Variants in SNRPN observed in about 807,000 individuals in gnomAD.
SNRPN encodes the protein small nuclear ribonucleoprotein-associated protein N.
A neutral mutation model predicts 25.2 loss-of-function variants in SNRPN; 7 were observed. That is an observed-to-expected ratio of 0.28 (90% CI 0.16 to 0.52). The LOEUF is 0.52. Among genes scored for constraint, SNRPN ranks in the 20% least tolerant of loss-of-function variants. The pLI is 0.96. For missense variants in SNRPN, 196 were observed against 322.5 expected (o/e 0.61, Z 3.00); for synonymous variants, 124 against 110.6 (o/e 1.12, Z -0.76).
At chr15:24,934,640 C>A (rs912551949) in intron 3 of SNRPN, among the ~76,000 whole-genome samples, 1 of 152,186 alleles carries the variant, frequency 6.6e-6, no homozygotes, top group Admixed American at 6.5e-5. Flanking sequence ...CTCACTGCAA[C>A]CTCCACCCGC....
chr15:24,901,112 A>AAG (rs2058420859), intron 2 of SNRPN, among the ~76,000 whole-genome samples: 2 of 152,240 alleles, frequency 1.3e-5, no homozygotes, highest in East Asian at 3.9e-4. Flanking sequence ...TTAACAAAAA[A>AAG]AGATTTATTT....
intron 2 of SNRPN, among the ~76,000 whole-genome samples, chr15:24,902,829 A>T (rs1464811732): frequency 6.6e-6 from 1 of 152,200 alleles, no homozygotes; most frequent in Non-Finnish European, 1.5e-5. Flanking sequence ...GGACCCAAAG[A>T]GTGAGCAGCA....
chr15:24,940,141 T>C (rs1596039990), intron 3 of SNRPN, among the ~76,000 whole-genome samples: 1 of 152,196 alleles, frequency 6.6e-6, no homozygotes, highest in Non-Finnish European at 1.5e-5. Flanking sequence ...ATATATGATT[T>C]GCAAATATTT....
intron 2 of SNRPN, among the ~76,000 whole-genome samples, chr15:24,838,114 A>G (rs893847888): frequency 8.1e-5 from 12 of 148,240 alleles, no homozygotes; most frequent in Non-Finnish European, 1.8e-4. Context: ...GGCTCGCTGC[A>G]AGCTCCACCT....
Position 24,957,794 on chromosome 15 carries a change from C to A in SNRPN, c.-391+2732C>A, listed in dbSNP as rs567213832. On this transcript the variant is annotated intron_variant, in intron 1 of 9. Transcript: ENST00000390687. ...CACATACATATATTTCTTGGTTTAA[C>A]TTCTGGTCATTTGGCTATTTGCAAG... 2.6e-5 allele frequency among the ~76,000 whole-genome samples: 4 copies of A among 152,130 alleles called. No individual in the cohort carries two copies. The East Asian group carries it at 5.8e-4, about 22-fold the overall frequency.
intron 2 of SNRPN, among the ~76,000 whole-genome samples, chr15:24,910,576 C>T (rs2059149378): frequency 6.6e-6 from 1 of 152,120 alleles, no homozygotes; most frequent in African/African-American, 2.4e-5. Context: ...ACTGCAACCT[C>T]TGCCTCCTCC....
chr15:24,874,333 A>AAAC (rs397853885), intron 1 of SNRPN, among the ~76,000 whole-genome samples: 7 of 146,384 alleles, frequency 4.8e-5, no homozygotes, highest in African/African-American at 1.7e-4. Context: ...AAAAAAAAAA[A>AAAC]GGCAGAGTGG....
intron 1 of SNRPN, among the ~76,000 whole-genome samples, chr15:24,858,997 T>G (rs1218361453): frequency 6.6e-6 from 1 of 152,114 alleles, no homozygotes; most frequent in African/African-American, 2.4e-5. Flanking sequence ...TCTAGCTCAT[T>G]GCAGACACCC....
At chr15:24,854,326 C>T (rs1326962003), upstream of SNRPN, among the ~76,000 whole-genome samples, 3 of 152,046 alleles carry the variant, frequency 2.0e-5, no homozygotes, top group Non-Finnish European at 4.4e-5. Context: ...TTTTTAAAAA[C>T]AATAATGCAT....
At chr15:24,889,844 G>A (rs567401733) in intron 2 of SNRPN, among the ~76,000 whole-genome samples, 15 of 151,552 alleles carry the variant, frequency 9.9e-5, no homozygotes, top group Non-Finnish European at 1.8e-4. Flanking sequence ...CAGATCAGGA[G>A]TTTGAAACCA....
intron 1 of SNRPN, among the ~76,000 whole-genome samples, chr15:24,961,651 T>A (rs952980780): frequency 2.0e-5 from 3 of 152,088 alleles, no homozygotes; most frequent in African/African-American, 7.3e-5. Flanking sequence ...CATGTTTTTT[T>A]AAAGTAGATA....
At chr15:24,921,699 C>T (rs954926203) in intron 3 of SNRPN, among the ~76,000 whole-genome samples, 2 of 152,236 alleles carry the variant, frequency 1.3e-5, no homozygotes, top group Non-Finnish European at 1.5e-5. Context: ...ATGGCCATTG[C>T]AGAAAGGGAA....
chr15:24,972,817 A>G (rs1412577308), intron 3 of SNRPN, among the ~76,000 whole-genome samples: 1 of 152,098 alleles, frequency 6.6e-6, no homozygotes, highest in Non-Finnish European at 1.5e-5. Context: ...CCGTTCAACA[A>G]CAGACTGCAT....
intron 2 of SNRPN, among the ~76,000 whole-genome samples, chr15:24,916,763 T>C (rs919703381): frequency 1.3e-5 from 2 of 152,198 alleles, no homozygotes; most frequent in African/African-American, 4.8e-5. Flanking sequence ...TTCCTTCCGG[T>C]GGGTTTGTGG....
intron 2 of SNRPN, among the ~76,000 whole-genome samples, chr15:24,907,697 C>T (rs893940347): frequency 6.6e-5 from 10 of 152,120 alleles, no homozygotes; most frequent in Non-Finnish European, 1.2e-4. Flanking sequence ...CCTCCCACCT[C>T]GGCCTCCCAA....
At chr15:24,855,101 C>G (rs1169741293), upstream of SNRPN, among the ~76,000 whole-genome samples, 1 of 151,728 alleles carries the variant, frequency 6.6e-6, no homozygotes, top group Non-Finnish European at 1.5e-5. Flanking sequence ...TTTTTTAAAT[C>G]TTATTTTACA....
intron 2 of SNRPN, among the ~76,000 whole-genome samples, chr15:24,962,885 T>C (rs948158205): frequency 6.6e-6 from 1 of 152,196 alleles, no homozygotes; most frequent in African/African-American, 2.4e-5. Flanking sequence ...GTAGGTAGCA[T>C]TTTTTTCTTA....
chr15:24,846,084 CA>C lies in SNRPN; in HGVS notation c.-579+16193del, dbSNP rs59290191. On this transcript the variant is annotated intron_variant, in intron 2 of 12. Transcript: ENST00000400100. ...GGGGTGACAGAACGAGACTCCGTCT[CA>C]AAAAAAAAAAAAATTGATCCTTAAT... 5.8e-3 allele frequency among the ~76,000 whole-genome samples: 791 copies of C among 137,178 alleles called. 2 individuals are homozygous for C. Among genetic ancestry groups the C allele is most frequent in the African/African-American group, 0.018 (670 of 36,806 alleles). 90.0% of individuals were successfully genotyped at this position (137,178 alleles called of 152,430 possible).
intron 2 of SNRPN, among the ~76,000 whole-genome samples, chr15:24,835,097 G>GTATATGTATCT (rs55900112): frequency 0.24 from 5,183 of 21,906 alleles, 1,453 homozygotes; most frequent in East Asian, 0.53. Context: ...AAAATATATA[G>GTATATGTATCT]ATATATATAC....
Sources: allele counts gnomAD v4.1 joint callset (sites outside exome capture counted in the v4.1 genomes callset), GRCh38; gene constraint gnomAD v4.1.1; transcripts MANE v1.5; gene names NCBI Gene and HGNC (gene_info 2026-07-23, HGNC 2026-07-21).